The following NUBPL variants were observed in gnomAD, a reference collection of about 807,000 sequenced individuals.
NUBPL encodes the protein iron-sulfur cluster transfer protein NUBPL.
Under a neutral mutation model 45.7 loss-of-function variants are expected in NUBPL, and 31 were observed. That is an observed-to-expected ratio of 0.68 (90% CI 0.51 to 0.92). The LOEUF (loss-of-function observed/expected upper bound fraction) is 0.92, where lower values mean the gene tolerates loss of function less well. Among genes scored for constraint, NUBPL ranks in the 40% least tolerant of loss-of-function variants. NUBPL has a pLI of 0.00. For synonymous variants in NUBPL, 144 were observed against 140.9 expected, an observed-to-expected ratio of 1.02 and a Z score of -0.15; for missense variants, 401 against 398.7, an observed-to-expected ratio of 1.01 and a Z score of -0.05.
At chr14:31,695,916 T>C (rs1358344238) in intron 6 of NUBPL, among the ~76,000 whole-genome samples, 1 of 152,240 alleles carries the variant, frequency 6.6e-6, no homozygotes, top group East Asian at 1.9e-4. Context: ...TTTTATTTTT[T>C]GGTTTCTAGT....
intron 4 of NUBPL, among the ~76,000 whole-genome samples, chr14:31,620,991 G>A (rs942608412): frequency 2.6e-5 from 4 of 152,220 alleles, no homozygotes; most frequent in Non-Finnish European, 4.4e-5. Flanking sequence ...CAGAGAGGAG[G>A]AATCTAGAGG....
chr14:31,571,525 C>T (rs559469420), intron 3 of NUBPL, among the ~76,000 whole-genome samples: 66 of 151,970 alleles, frequency 4.3e-4, no homozygotes, highest in African/African-American at 1.5e-3. Context: ...TCTCGGCTCA[C>T]TGCAACCTCT....
intron 6 of NUBPL, among the ~76,000 whole-genome samples, chr14:31,714,026 C>G (rs1288190146): frequency 6.6e-6 from 1 of 152,084 alleles, no homozygotes; most frequent in Non-Finnish European, 1.5e-5. Context: ...ATTCCCAGCC[C>G]CTGTCTCTTT....
intron 6 of NUBPL, among the ~76,000 whole-genome samples, chr14:31,687,688 T>C (rs1395220640): frequency 2.0e-5 from 3 of 152,260 alleles, no homozygotes; most frequent in Admixed American, 6.5e-5. Context: ...TAAAAAGTTA[T>C]GTCTTAGAGT....
rs553953576 is a variant in NUBPL, at chr14:31,630,219, G to C, written c.382+30840G>C. On this transcript the variant is annotated intron_variant, in intron 4 of 10. Transcript: ENST00000281081. Reference sequence around the variant, plus strand: ...TTATCATGGACATTAGAGATGGAGAGAATTGTAGTAAAATCCTGATTGTAA... The same window carrying C: ...TTATCATGGACATTAGAGATGGAGACAATTGTAGTAAAATCCTGATTGTAA... 1.2e-4 allele frequency among the ~76,000 whole-genome samples: 18 copies of C among 152,240 alleles called. No homozygotes were observed. In the East Asian group the frequency reaches 2.1e-3, roughly 18 times the overall value.
intron 4 of NUBPL, among the ~76,000 whole-genome samples, chr14:31,640,062 T>C (rs974235785): frequency 2.0e-5 from 3 of 152,148 alleles, no homozygotes; most frequent in African/African-American, 7.2e-5. Flanking sequence ...CTCGCCCTGC[T>C]TCGGCTCCGG....
Position 31,826,085 on chromosome 14 carries a change from C to G in NUBPL, c.608-544C>G, listed in dbSNP as rs146423041. On this transcript the variant is annotated intron_variant, in intron 7 of 10. Coordinates refer to ENST00000281081, the MANE Select transcript of NUBPL (RefSeq NM_025152.3). ...AAAGTTCCACTGATAGAGTTATGAT[C>G]CTGAATCACTGATTAGTCAGTTGCG... is the stretch of plus-strand genomic sequence containing the variant. 1.8e-3 allele frequency among the ~76,000 whole-genome samples: 276 copies of G among 152,138 alleles called. 1 individual carries two copies. The highest frequency in any genetic ancestry group is 6.3e-3 in the African/African-American group (262 of 41,498).
At chr14:31,688,540 A>G (rs2037010257) in intron 6 of NUBPL, among the ~76,000 whole-genome samples, 1 of 147,358 alleles carries the variant, frequency 6.8e-6, no homozygotes, top group Non-Finnish European at 1.5e-5. Flanking sequence ...AGATTGCGCC[A>G]TTGCACTCCA....
intron 8 of NUBPL, among the ~76,000 whole-genome samples, chr14:31,831,975 C>T (rs1352251280): frequency 6.6e-6 from 1 of 152,114 alleles, no homozygotes; most frequent in Non-Finnish European, 1.5e-5. Context: ...GATTGTGACC[C>T]ACCAACAGAT....
intron 6 of NUBPL, among the ~76,000 whole-genome samples, chr14:31,724,429 CT>C (rs879504212): frequency 1.5e-5 from 2 of 131,798 alleles, no homozygotes; most frequent in Non-Finnish European, 3.2e-5. Context: ...TCTCATGCCA[CT>C]GGCTCTTTAG....
At chr14:31,608,934 C>T (rs1040581577) in intron 4 of NUBPL, among the ~76,000 whole-genome samples, 1 of 151,942 alleles carries the variant, frequency 6.6e-6, no homozygotes, top group African/African-American at 2.4e-5. Flanking sequence ...TCAATGAATA[C>T]ACAACAAATA....
intron 3 of NUBPL, among the ~76,000 whole-genome samples, chr14:31,573,298 A>G (rs1566421214): frequency 6.6e-6 from 1 of 152,118 alleles, no homozygotes; most frequent in Non-Finnish European, 1.5e-5. Flanking sequence ...CCATGATTCT[A>G]CTTGGCCCTC....
At chr14:31,708,151 G>A (rs1161081536) in intron 6 of NUBPL, among the ~76,000 whole-genome samples, 1 of 152,202 alleles carries the variant, frequency 6.6e-6, no homozygotes, top group Non-Finnish European at 1.5e-5. Flanking sequence ...CTAAGATCTT[G>A]GACTAGTCTC....
chr14:31,632,447 C>T (rs1010971590), intron 4 of NUBPL, among the ~76,000 whole-genome samples: 1 of 152,144 alleles, frequency 6.6e-6, no homozygotes, highest in Non-Finnish European at 1.5e-5. Flanking sequence ...TGTATAGAAA[C>T]CCCTGGGGCG....
At chr14:31,562,750 G>C (rs1489138551) in intron 2 of NUBPL, 1 of 151,706 alleles carries the variant, frequency 6.6e-6, no homozygotes, top group East Asian at 1.9e-4. Flanking sequence ...GACTACAGGC[G>C]CCCACCACCA....
intron 8 of NUBPL, among the ~76,000 whole-genome samples, chr14:31,842,933 A>C (rs1301524376): frequency 6.6e-6 from 1 of 152,246 alleles, no homozygotes; most frequent in Non-Finnish European, 1.5e-5. Flanking sequence ...ATAGAAATAG[A>C]AATCCTAATG....
intron 3 of NUBPL, among the ~76,000 whole-genome samples, chr14:31,588,067 T>G (rs1342397165): frequency 6.6e-6 from 1 of 152,188 alleles, no homozygotes; most frequent in Non-Finnish European, 1.5e-5. Flanking sequence ...GAAATTAACT[T>G]AATTTGTTGT....
At chr14:31,592,508 C>A (rs2034168649) in intron 3 of NUBPL, among the ~76,000 whole-genome samples, 1 of 152,012 alleles carries the variant, frequency 6.6e-6, no homozygotes, top group African/African-American at 2.4e-5. Flanking sequence ...TAGCAAATAA[C>A]AAATTTGAAT....
intron 6 of NUBPL, among the ~76,000 whole-genome samples, chr14:31,729,067 G>A (rs2037988288): frequency 6.6e-6 from 1 of 152,152 alleles, no homozygotes; most frequent in Non-Finnish European, 1.5e-5. Context: ...GATCACTTGA[G>A]TTCAGGAGTT....
Sources: gnomAD v4.1 joint callset for allele counts (sites outside exome capture counted in the v4.1 genomes callset) on GRCh38, gnomAD v4.1.1 for gene constraint, MANE v1.5 for transcripts, NCBI Gene and HGNC (gene_info 2026-07-23, HGNC 2026-07-21) for gene names.